USP7: variants seen among roughly 807,000 people sequenced by gnomAD.
USP7 encodes the protein ubiquitin specific peptidase 7.
USP7 carries 9 observed loss-of-function variants against 162.9 expected under a neutral mutation model. That is an observed-to-expected ratio of 0.06 (90% CI 0.03 to 0.10). The LOEUF is 0.10. Ranked by LOEUF, USP7 falls within the 10% of genes least tolerant of loss-of-function variation. The pLI, the probability that USP7 is intolerant of heterozygous loss-of-function variation, is 1.00. For synonymous variants in USP7, 562 were observed against 475.9 expected (o/e 1.18, Z -2.35); for missense variants, 715 against 1,373.7 (o/e 0.52, Z 7.58).
At chr16:8,957,591 C>CA (rs111693286) in intron 1 of USP7, among the ~76,000 whole-genome samples, 2,739 of 132,166 alleles carry the variant, frequency 0.021, 79 homozygotes, top group African/African-American at 0.059. Context: ...ACTTAAAATT[C>CA]AAAAAAAAAA....
At chr16:8,923,149 A>G (rs1897795374) in intron 3 of USP7, 66 bp downstream of exon 3, 1 of 754,830 alleles carries the variant, frequency 1.3e-6, no homozygotes, top group Admixed American at 3.9e-5. Context: ...GAGGCAGCAA[A>G]TAACTTAAGA....
intron 10 of USP7, among the ~76,000 whole-genome samples, chr16:8,913,675 A>C (rs534604994): frequency 2.6e-4 from 39 of 152,226 alleles, no homozygotes; most frequent in African/African-American, 9.2e-4. Context: ...ATCCATATCC[A>C]AATTAAAAAC....
chr16:8,900,712 T>C, intron 20 of USP7, 82 bp from the exon 21 acceptor site: 1 of 1,001,004 alleles, frequency 1.0e-6, no homozygotes, highest in East Asian at 2.5e-5. Context: ...TGTACTTAAG[T>C]ATTTTCTCTA....
At chr16:8,947,278 A>G (rs1436835175) in intron 1 of USP7, among the ~76,000 whole-genome samples, 1 of 152,114 alleles carries the variant, frequency 6.6e-6, no homozygotes, top group Non-Finnish European at 1.5e-5. Context: ...TTTATACAAC[A>G]TTACTTGGAA....
chr16:8,914,592 C>T (rs1285138754), intron 10 of USP7, among the ~76,000 whole-genome samples: 3 of 152,142 alleles, frequency 2.0e-5, no homozygotes, highest in Non-Finnish European at 2.9e-5. Context: ...CTACTCCCAG[C>T]GTGGATGTAT....
intron 25 of USP7, among the ~76,000 whole-genome samples, chr16:8,897,726 A>AAAATATAT (rs1555461671): frequency 1.4e-4 from 1 of 7,138 alleles, no homozygotes; most frequent in African/African-American, 5.6e-4. Flanking sequence ...AAAAAAAAAA[A>AAAATATAT]ATATATATAT....
rs960179884 is a variant in USP7 at position 8,900,182 on chromosome 16, G to A, written c.2309+348C>T. 4 of 327,388 alleles carry A rather than the reference G, an allele frequency of 1.2e-5. No homozygotes were observed. The Admixed American group carries it at 1.9e-4, about 16-fold the overall frequency. The allele number at this position is 327,388 out of a possible 1,614,324, so 20.3% of individuals were successfully genotyped here. The stretch of plus-strand genomic sequence containing the variant: ...AGTGTCTAAGACCAAAGACTGGCTG[G>A]TTTACATGAAGACAGACTGAAATGA... On this transcript the variant is annotated intron_variant, in intron 21 of 30. Transcript: ENST00000344836.
chr16:8,908,952 T>C (rs896527703), intron 11 of USP7, among the ~76,000 whole-genome samples: 4 of 152,254 alleles, frequency 2.6e-5, no homozygotes, highest in African/African-American at 9.6e-5. Flanking sequence ...CTTGGGCTCT[T>C]TGATGTTTGC....
At chr16:8,903,209 C>A (rs1197739703) in intron 16 of USP7, 59 bp downstream of exon 16, 2 of 1,574,790 alleles carry the variant, frequency 1.3e-6, no homozygotes, top group South Asian at 1.2e-5. Context: ...TCTAGTGACA[C>A]GGAAGGAAGG....
At chr16:8,905,127 A>G (rs2061839738) in intron 14 of USP7, 60 bp downstream of exon 14, 5 of 1,569,728 alleles carry the variant, frequency 3.2e-6, no homozygotes, top group South Asian at 2.2e-5. Context: ...TTGGAGATTC[A>G]TGGTACAAAT....
chr16:8,893,524 G>C lies in USP7; in HGVS notation c.*474C>G, dbSNP rs2061634664. The C allele has an allele frequency of 6.3e-6, 1 of 158,058 alleles. No homozygotes were observed. The highest frequency in any genetic ancestry group is 6.0e-5 in the Admixed American group (1 of 16,676). 9.8% of individuals were successfully genotyped at this position (158,058 alleles called of 1,614,324 possible). ...AAGAGCGCTATTTATTAGGTTGTGA[G>C]TTTCTCTGTTTTGCCTTAACAGATG... On this transcript the variant is annotated 3_prime_UTR_variant, in exon 31 of 31. Transcript: ENST00000344836.
chr16:8,960,872 G>A (rs528675644), intron 1 of USP7, among the ~76,000 whole-genome samples: 1 of 152,182 alleles, frequency 6.6e-6, no homozygotes, highest in Non-Finnish European at 1.5e-5. Flanking sequence ...CCACACACCA[G>A]TGGGTACTCA....
chr16:8,940,421 A>G (rs1898984785), intron 1 of USP7, among the ~76,000 whole-genome samples: 1 of 152,206 alleles, frequency 6.6e-6, no homozygotes, highest in South Asian at 2.1e-4. Context: ...GAACACAACG[A>G]GAGGCAGAAG....
At chr16:8,904,065 A>G (rs1197007045) in intron 15 of USP7, among the ~76,000 whole-genome samples, 2 of 152,162 alleles carry the variant, frequency 1.3e-5, no homozygotes, top group Non-Finnish European at 2.9e-5. Flanking sequence ...GACTTCTGAC[A>G]ACCAAGTCTT....
intron 11 of USP7, 21 bp from the exon 12 acceptor site, chr16:8,908,471 G>A: frequency 6.3e-7 from 1 of 1,593,020 alleles, no homozygotes. Flanking sequence ...AAAAACAAAT[G>A]CAAATGTAGT....
intron 30 of USP7, 115 bp downstream of exon 30, chr16:8,894,435 G>C (rs759031766): frequency 1.1e-5 from 11 of 993,326 alleles, no homozygotes; most frequent in South Asian, 1.5e-5. Context: ...CCACAGGTCG[G>C]CCAGTGGAGA....
intron 18 of USP7, chr16:8,901,844 GAGACTGA>G (rs1285203174): frequency 2.0e-5 from 11 of 541,706 alleles, no homozygotes; most frequent in Non-Finnish European, 3.6e-5. Flanking sequence ...CACAGCAGCT[GAGACTGA>G]AGACAGAACA....
intron 1 of USP7, among the ~76,000 whole-genome samples, chr16:8,960,016 C>G (rs965517263): frequency 6.6e-6 from 1 of 152,206 alleles, no homozygotes; most frequent in Non-Finnish European, 1.5e-5. Flanking sequence ...GAAGCAAGGC[C>G]TCCTGATAAC....
rs1259610585 is a variant in USP7 at position 8,963,566 on chromosome 16, G to GGCCGCCGCCGCC, written c.-293_-282dup. On this transcript the variant is annotated 5_prime_UTR_variant, in exon 1 of 31. Transcript: ENST00000344836. ...GCCGGGCGGCCTCGTCGCTCGCTGC[G>GGCCGCCGCCGCC]GCCGCCGCCGCCGCCGCCGCGGGGC... is the stretch of plus-strand genomic sequence containing the variant. The GGCCGCCGCCGCC allele has an allele frequency of 3.0e-5, 4 of 133,294 alleles. No homozygotes were observed. Among genetic ancestry groups the GGCCGCCGCCGCC allele is most frequent in the Non-Finnish European group, 6.5e-5 (4 of 61,416 alleles). 8.3% of individuals were successfully genotyped at this position (133,294 alleles called of 1,614,324 possible).
Sources: gnomAD v4.1 joint callset for allele counts (sites outside exome capture counted in the v4.1 genomes callset) on GRCh38, gnomAD v4.1.1 for gene constraint, MANE v1.5 for transcripts, NCBI Gene and HGNC (gene_info 2026-07-23, HGNC 2026-07-21) for gene names.